ESRP1: variants seen among roughly 807,000 people sequenced by gnomAD.
The protein encoded by ESRP1 is RNA-binding motif protein 35A.
Under a neutral mutation model 81.7 loss-of-function variants are expected in ESRP1, and 33 were observed. That is an observed-to-expected ratio of 0.40 (90% CI 0.31 to 0.54). ESRP1 has a LOEUF of 0.54. Among genes scored for constraint, ESRP1 ranks in the 20% least tolerant of loss-of-function variants. The pLI is 0.41. For synonymous variants in ESRP1, 320 were observed against 303.3 expected (o/e 1.06, Z -0.57); for missense variants, 672 against 833.1 (o/e 0.81, Z 2.38).
chr8:94,705,769 C>T (rs1810045067), intron 15 of ESRP1, 156 bp from the exon 16 acceptor site: 1 of 662,180 alleles, frequency 1.5e-6, no homozygotes, highest in Non-Finnish European at 2.5e-6. Flanking sequence ...CATGTAAATG[C>T]CAACTATGTC....
At position 94,667,965 on chromosome 8, in the gene ESRP1, A is replaced by G. The variant is rs1360020515; in HGVS notation, c.948A>G (p.Val316=). The G allele has an allele frequency of 6.3e-7, 1 of 1,598,944 alleles. No homozygotes were observed. ...LKIAGGTSNE[V]AQFLSKENQV... is the part of the protein sequence containing the mutation. ...TTTCCCTAGGTACTTCCAATGAGGT[A>G]GCCCAGTTTCTCTCCAAGGAAAATC... Residue 316 remains valine, a synonymous_variant, in exon 10 of 16, where the codon GTA becomes GTG. Coordinates refer to ENST00000433389, the MANE Select transcript of ESRP1 (RefSeq NM_017697.4).
At chr8:94,667,068 G>GGGTGT (rs1554577644) in intron 9 of ESRP1, among the ~76,000 whole-genome samples, 2 of 144,320 alleles carry the variant, frequency 1.4e-5, no homozygotes, top group East Asian at 4.0e-4. Context: ...CCAGGAGAGG[G>GGGTGT]GTGTGTGTGT....
intron 11 of ESRP1, among the ~76,000 whole-genome samples, chr8:94,674,058 T>G (rs139674165): frequency 0.016 from 2,400 of 152,264 alleles, 79 homozygotes; most frequent in African/African-American, 0.054. Flanking sequence ...TGATACTAAT[T>G]AACAGAAGTG....
chr8:94,686,690 G>A (rs1450671175), intron 13 of ESRP1, among the ~76,000 whole-genome samples: 1 of 152,098 alleles, frequency 6.6e-6, no homozygotes, highest in Non-Finnish European at 1.5e-5. Flanking sequence ...TTGAGTACAA[G>A]TTACATTATT....
chr8:94,652,317 C>G (rs1818183636), intron 4 of ESRP1, among the ~76,000 whole-genome samples: 1 of 152,000 alleles, frequency 6.6e-6, no homozygotes. Context: ...TGGTGTTAGG[C>G]CTTTGAGTTA....
intron 3 of ESRP1, among the ~76,000 whole-genome samples, chr8:94,644,881 C>T (rs1442786952): frequency 6.6e-6 from 1 of 152,186 alleles, no homozygotes; most frequent in African/African-American, 2.4e-5. Flanking sequence ...TTTTCTCTAA[C>T]ATGAATGTAT....
chr8:94,657,453 G>A (rs1346510393), intron 4 of ESRP1, among the ~76,000 whole-genome samples: 1 of 148,160 alleles, frequency 6.7e-6, no homozygotes, highest in African/African-American at 2.5e-5. Flanking sequence ...TGAAGAAACT[G>A]GCCTATTGAG....
Position 94,702,064 on chromosome 8 carries a change from C to T in ESRP1, c.*36-3861C>T, listed in dbSNP as rs114095692. Among the ~76,000 whole-genome samples the T allele has an allele frequency of 5.0e-3, 766 of 152,178 alleles. 5 individuals carry two copies. Among genetic ancestry groups the T allele is most frequent in the Middle Eastern group, 0.017 (5 of 294 alleles). ...CTGCCCTCCAGCCTGGACGACAGAG[C>T]GAGAGTTAATGAATGAAAACAAGTT... On this transcript the variant is annotated intron_variant, in intron 15 of 15. Coordinates refer to ENST00000433389, the MANE Select transcript of ESRP1 (RefSeq NM_017697.4).
intron 13 of ESRP1, 110 bp from the exon 14 acceptor site, chr8:94,692,566 AT>A: frequency 8.7e-7 from 1 of 1,155,694 alleles, no homozygotes; most frequent in African/African-American, 1.5e-5. Context: ...TCTGAGAAGT[AT>A]AAGAAAGGTT....
intron 13 of ESRP1, among the ~76,000 whole-genome samples, chr8:94,683,242 C>A (rs1808997015): frequency 1.3e-5 from 2 of 151,948 alleles, no homozygotes; most frequent in Non-Finnish European, 2.9e-5. Context: ...CCGCGCCCGG[C>A]CTATGAATAT....
intron 1 of ESRP1, 74 bp downstream of exon 1, chr8:94,641,524 G>T (rs1817587391): frequency 1.9e-6 from 3 of 1,595,780 alleles, no homozygotes; most frequent in South Asian, 2.2e-5. Context: ...GGCGGGGAGG[G>T]GGGTGGAGGT....
chr8:94,691,927 CAG>C (rs528278697), intron 13 of ESRP1, among the ~76,000 whole-genome samples: 135 of 152,096 alleles, frequency 8.9e-4, no homozygotes, highest in African/African-American at 3.1e-3. Flanking sequence ...AGGTAGAAAA[CAG>C]AGTGGGTGGG....
intron 10 of ESRP1, among the ~76,000 whole-genome samples, chr8:94,670,379 T>G (rs1311454654): frequency 6.6e-6 from 1 of 152,236 alleles, no homozygotes; most frequent in South Asian, 2.1e-4. Flanking sequence ...CTGGATTGTT[T>G]ATATAACTTC....
chr8:94,642,165 C>T (rs1331500111), intron 2 of ESRP1, 81 bp downstream of exon 2: 9 of 1,521,296 alleles, frequency 5.9e-6, no homozygotes, highest in African/African-American at 2.8e-5. Context: ...GCGGCCCACG[C>T]GTGTTCCCGG....
At chr8:94,687,887 A>G (rs1809204711) in intron 13 of ESRP1, among the ~76,000 whole-genome samples, 1 of 152,126 alleles carries the variant, frequency 6.6e-6, no homozygotes, top group Non-Finnish European at 1.5e-5. Flanking sequence ...AGTGTCCTTT[A>G]AAGTATAAAA....
At chr8:94,655,118 T>G (rs1267595131) in intron 4 of ESRP1, among the ~76,000 whole-genome samples, 1 of 151,090 alleles carries the variant, frequency 6.6e-6, no homozygotes, top group Non-Finnish European at 1.5e-5. Context: ...TTTTTTTTGA[T>G]ACGGCGTCTC....
chr8:94,641,870 C>T (rs1288638896), intron 1 of ESRP1, 86 bp from the exon 2 acceptor site: 2 of 1,558,522 alleles, frequency 1.3e-6, no homozygotes, highest in Non-Finnish European at 1.7e-6. Flanking sequence ...AGGCGCGGGC[C>T]GCCCCAGCAG....
intron 4 of ESRP1, among the ~76,000 whole-genome samples, chr8:94,659,400 A>G (rs1818603264): frequency 6.6e-6 from 1 of 152,142 alleles, no homozygotes; most frequent in Admixed American, 6.5e-5. Flanking sequence ...TTAGGTGGCA[A>G]ACTTAATTGG....
At chr8:94,665,854 C>G (rs1194686823) in intron 9 of ESRP1, among the ~76,000 whole-genome samples, 1 of 152,170 alleles carries the variant, frequency 6.6e-6, no homozygotes, top group African/African-American at 2.4e-5. Context: ...GCTGCAATAC[C>G]TGGGATTGTT....
Sources: allele counts gnomAD v4.1 joint callset (sites outside exome capture counted in the v4.1 genomes callset), GRCh38; gene constraint gnomAD v4.1.1; transcripts MANE v1.5; gene names NCBI Gene and HGNC (gene_info 2026-07-23, HGNC 2026-07-21).